ODAD2: variants seen among roughly 807,000 people sequenced by gnomAD.
ODAD2 encodes the protein outer dynein arm docking complex subunit 2.
In ODAD2, 89 loss-of-function variants were observed where a neutral mutation model predicts 106.8. The ratio of observed to expected loss-of-function variants is 0.83; its 90% CI spans 0.70 to 0.99. The LOEUF (loss-of-function observed/expected upper bound fraction) is 0.99, where lower values mean the gene tolerates loss of function less well. Among genes scored for constraint, ODAD2 ranks in the 50% least tolerant of loss-of-function variants. ODAD2 has a pLI of 0.00. For synonymous variants in ODAD2, 404 were observed against 436.2 expected, an observed-to-expected ratio of 0.93 and a Z score of 0.92; for missense variants, 1,168 against 1,238.5, an observed-to-expected ratio of 0.94 and a Z score of 0.85.
chr10:27,890,165 T>G (rs1842467627), intron 17 of ODAD2, among the ~76,000 whole-genome samples: 1 of 152,032 alleles, frequency 6.6e-6, no homozygotes. Flanking sequence ...AACAGTGAGG[T>G]CAATGGGCAG....
At position 27,860,650 on chromosome 10, in the gene ODAD2, G is replaced by T; in HGVS notation, c.2996C>A (p.Thr999Asn). Residue 999 changes from threonine (T) to asparagine (N), a missense_variant, in exon 19 of 20, where the codon ACC becomes AAC. Thr to Asn is a moderately conservative substitution (Grantham distance 65). Coordinates refer to ENST00000305242, the MANE Select transcript of ODAD2 (RefSeq NM_018076.5). ...CTTTACTGCACCATTCTCATGCATG[G>T]TGATGCAGTTATCGGCGTCTTCTGA... ...QLSEDADNCI[T>N]MHENGAVKLL... 1 of 1,613,984 alleles carries T rather than the reference G, an allele frequency of 6.2e-7. No homozygotes were observed. Among genetic ancestry groups the T allele is most frequent in the Non-Finnish European group, 8.5e-7 (1 of 1,179,940 alleles).
intron 16 of ODAD2, among the ~76,000 whole-genome samples, chr10:27,932,947 G>A (rs1207155235): frequency 2.0e-5 from 3 of 152,112 alleles, no homozygotes; most frequent in African/African-American, 7.2e-5. Flanking sequence ...CAATAAATAT[G>A]TGTTTAATGT....
At chr10:27,986,875 G>A (rs1230305616) in intron 3 of ODAD2, among the ~76,000 whole-genome samples, 2 of 152,242 alleles carry the variant, frequency 1.3e-5, no homozygotes, top group East Asian at 3.9e-4. Context: ...AGAAGGCTGT[G>A]AAGTCCACAG....
chr10:27,884,818 G>A (rs1421374371), intron 17 of ODAD2, among the ~76,000 whole-genome samples: 1 of 152,020 alleles, frequency 6.6e-6, no homozygotes, highest in African/African-American at 2.4e-5. Context: ...TGTATATGGG[G>A]GAAAAAAATT....
intron 17 of ODAD2, among the ~76,000 whole-genome samples, chr10:27,892,973 A>G (rs1842653269): frequency 6.6e-6 from 1 of 152,096 alleles, no homozygotes; most frequent in South Asian, 2.1e-4. Flanking sequence ...ACATGGCAAA[A>G]CCCTGTCTCT....
intron 19 of ODAD2, among the ~76,000 whole-genome samples, chr10:27,832,668 A>T (rs567454291): frequency 1.3e-5 from 2 of 152,208 alleles, no homozygotes; most frequent in Non-Finnish European, 2.9e-5. Context: ...GAATTACCAG[A>T]GCACACGTGA....
chr10:27,822,648 C>T (rs1836703187), intron 19 of ODAD2, among the ~76,000 whole-genome samples: 1 of 152,192 alleles, frequency 6.6e-6, no homozygotes, highest in Admixed American at 6.5e-5. Context: ...CTCGGTAATT[C>T]ATTTCACATG....
intron 16 of ODAD2, among the ~76,000 whole-genome samples, chr10:27,929,423 A>G (rs1845464587): frequency 6.6e-6 from 1 of 152,178 alleles, no homozygotes; most frequent in Non-Finnish European, 1.5e-5. Flanking sequence ...TTATTAAATT[A>G]TAATTATCCA....
At chr10:27,965,992 T>G (rs1156874383) in intron 9 of ODAD2, among the ~76,000 whole-genome samples, 1 of 152,192 alleles carries the variant, frequency 6.6e-6, no homozygotes, top group Non-Finnish European at 1.5e-5. Flanking sequence ...CAACTCCCAG[T>G]GGGTTCTCGT....
intron 17 of ODAD2, among the ~76,000 whole-genome samples, chr10:27,866,920 A>G (rs1470659316): frequency 6.6e-6 from 1 of 152,098 alleles, no homozygotes; most frequent in Non-Finnish European, 1.5e-5. Flanking sequence ...GAACTATCTC[A>G]ATGATGTTAT....
At chr10:27,838,298 T>C (rs967745115) in intron 19 of ODAD2, among the ~76,000 whole-genome samples, 3 of 152,236 alleles carry the variant, frequency 2.0e-5, no homozygotes, top group East Asian at 1.9e-4. Flanking sequence ...TAACTTCTTA[T>C]ACGAGAACAC....
chr10:27,816,496 C>G (rs1836146912), intron 19 of ODAD2, among the ~76,000 whole-genome samples: 1 of 152,074 alleles, frequency 6.6e-6, no homozygotes. Flanking sequence ...GCCATATGGT[C>G]TGTGCTGGGC....
At chr10:27,861,160 T>G (rs1252362336) in intron 18 of ODAD2, among the ~76,000 whole-genome samples, 3 of 152,068 alleles carry the variant, frequency 2.0e-5, no homozygotes, top group African/African-American at 7.2e-5. Context: ...CCTGGCTAAT[T>G]TTTGTATTTT....
chr10:27,826,735 C>T (rs550007316), intron 19 of ODAD2, among the ~76,000 whole-genome samples: 2 of 152,194 alleles, frequency 1.3e-5, no homozygotes, highest in African/African-American at 4.8e-5. Flanking sequence ...CCATTAACCC[C>T]CCTCTTTCCG....
intron 16 of ODAD2, among the ~76,000 whole-genome samples, chr10:27,919,627 T>A (rs373551633): frequency 6.6e-6 from 1 of 152,198 alleles, no homozygotes; most frequent in African/African-American, 2.4e-5. Context: ...CCTATTAGAA[T>A]GACTAAATTT....
intron 16 of ODAD2, among the ~76,000 whole-genome samples, chr10:27,924,012 A>AG (rs1564509324): frequency 8.8e-6 from 1 of 113,206 alleles, no homozygotes; most frequent in African/African-American, 4.1e-5. Flanking sequence ...GAAAGAAAGA[A>AG]AGAAAGAAAG....
At chr10:27,841,044 A>G (rs1838269876) in intron 19 of ODAD2, among the ~76,000 whole-genome samples, 1 of 152,218 alleles carries the variant, frequency 6.6e-6, no homozygotes, top group African/African-American at 2.4e-5. Flanking sequence ...TCTTTTTAAA[A>G]TAGATCAACC....
At chr10:27,980,314 A>C (rs151328338) in intron 7 of ODAD2, among the ~76,000 whole-genome samples, 1 of 152,284 alleles carries the variant, frequency 6.6e-6, no homozygotes, top group African/African-American at 2.4e-5. Flanking sequence ...TAGGTAAGAA[A>C]ATAAGAAAAA....
At chr10:27,833,604 A>ATAT (rs1191733105) in intron 19 of ODAD2, among the ~76,000 whole-genome samples, 22 of 152,290 alleles carry the variant, frequency 1.4e-4, no homozygotes, top group African/African-American at 4.8e-4. Context: ...GAGTATTTTG[A>ATAT]TATTAGGATA....
Sources: allele counts gnomAD v4.1 joint callset (sites outside exome capture counted in the v4.1 genomes callset), GRCh38; gene constraint gnomAD v4.1.1; transcripts MANE v1.5; gene names NCBI Gene and HGNC (gene_info 2026-07-23, HGNC 2026-07-21).